Variants in TMEM45A observed in about 807,000 individuals in gnomAD.
TMEM45A encodes the protein DNA polymerase-transactivated protein 4.
TMEM45A carries 25 observed loss-of-function variants against 32.0 expected under a neutral mutation model. The observed-to-expected ratio is 0.78, with a 90% CI of 0.57 to 1.09. TMEM45A has a LOEUF of 1.09. Among genes scored for constraint, TMEM45A ranks in the 50% least tolerant of loss-of-function variants. The probability of loss-of-function intolerance (pLI) is 0.00; values close to 1 mark genes in which losing one functional copy is unlikely to be tolerated. For synonymous variants in TMEM45A, 122 were observed against 114.8 expected (o/e 1.06, Z -0.40); for missense variants, 302 against 325.0 (o/e 0.93, Z 0.54).
At chr3:100,539,490 T>TGTATATGTATAG (rs1553682653) in intron 1 of TMEM45A, among the ~76,000 whole-genome samples, 1 of 72,406 alleles carries the variant, frequency 1.4e-5, no homozygotes, top group Non-Finnish European at 2.8e-5. Flanking sequence ...TATATGTATA[T>TGTATATGTATAG]GTATACGTAT....
Position 100,576,202 on chromosome 3 carries a change from G to A in TMEM45A, c.735-723G>A, listed in dbSNP as rs556873638. On this transcript the variant is annotated intron_variant, in intron 5 of 5. Transcript: ENST00000323523. Reference sequence around the variant, plus strand: ...ACAGTGGCTCACGCCTGTAATCCCAGCACTTTGGGAGGCCGAGGCAGGTGG... The same window carrying A: ...ACAGTGGCTCACGCCTGTAATCCCAACACTTTGGGAGGCCGAGGCAGGTGG... 1.1e-3 allele frequency among the ~76,000 whole-genome samples: 167 copies of A among 152,270 alleles called. 1 individual carries two copies. The highest frequency in any genetic ancestry group is 3.8e-3 in the African/African-American group (159 of 41,558).
At chr3:100,494,199 T>G (rs1218507419) in intron 1 of TMEM45A, among the ~76,000 whole-genome samples, 1 of 152,234 alleles carries the variant, frequency 6.6e-6, no homozygotes, top group Non-Finnish European at 1.5e-5. Context: ...ACATGTATAA[T>G]CCCCTCTGTT....
intron 1 of TMEM45A, among the ~76,000 whole-genome samples, chr3:100,547,597 G>T (rs573148609): frequency 6.6e-6 from 1 of 152,066 alleles, no homozygotes; most frequent in African/African-American, 2.4e-5. Flanking sequence ...AGGAGGAAAA[G>T]GAGGGGTTGA....
intron 5 of TMEM45A, chr3:100,572,186 C>T (rs1706576089): frequency 6.6e-6 from 1 of 152,300 alleles, no homozygotes; most frequent in South Asian, 2.1e-4. Flanking sequence ...CTGACTTCCA[C>T]AATGGTTGAA....
intron 1 of TMEM45A, among the ~76,000 whole-genome samples, chr3:100,523,800 T>TCTC (rs879882124): frequency 1.6e-5 from 2 of 123,368 alleles, no homozygotes; most frequent in Non-Finnish European, 3.2e-5. Context: ...TTCTTCTCCT[T>TCTC]CTCCTCCTCC....
chr3:100,521,632 C>T (rs984432157), intron 1 of TMEM45A, among the ~76,000 whole-genome samples: 1 of 152,206 alleles, frequency 6.6e-6, no homozygotes, highest in Non-Finnish European at 1.5e-5. Flanking sequence ...AGCTGCAGCA[C>T]GTACGCACAC....
At chr3:100,523,479 A>G (rs1340905387) in intron 1 of TMEM45A, among the ~76,000 whole-genome samples, 1 of 152,250 alleles carries the variant, frequency 6.6e-6, no homozygotes, top group Non-Finnish European at 1.5e-5. Flanking sequence ...CTCACAGTGC[A>G]GTGAGGGAGA....
chr3:100,551,100 G>A (rs892761381), intron 1 of TMEM45A, among the ~76,000 whole-genome samples: 16 of 143,422 alleles, frequency 1.1e-4, no homozygotes, highest in African/African-American at 3.7e-4. Flanking sequence ...TGCAAGCTCC[G>A]CCTCCCGGGT....
chr3:100,558,686 C>A, intron 4 of TMEM45A, 97 bp downstream of exon 4: 2 of 1,218,668 alleles, frequency 1.6e-6, no homozygotes, highest in Non-Finnish European at 2.3e-6. Context: ...TTCCCTCCAA[C>A]ATACTGCCTG....
chr3:100,534,716 G>T (rs1705709083), intron 1 of TMEM45A, among the ~76,000 whole-genome samples: 1 of 152,324 alleles, frequency 6.6e-6, no homozygotes, highest in South Asian at 2.1e-4. Flanking sequence ...TAAACCAGGG[G>T]TATTTGGTGC....
intron 1 of TMEM45A, among the ~76,000 whole-genome samples, chr3:100,496,962 T>C (rs1345333226): frequency 6.6e-6 from 1 of 152,218 alleles, no homozygotes. Context: ...GGACATGCTG[T>C]GGTTTTGGGC....
intron 1 of TMEM45A, among the ~76,000 whole-genome samples, chr3:100,514,379 G>C (rs890221647): frequency 3.9e-5 from 6 of 152,132 alleles, no homozygotes; most frequent in African/African-American, 1.4e-4. Flanking sequence ...ATGGGGAAAG[G>C]ATTCCCTATT....
chr3:100,503,033 TCC>T (rs1708027950), intron 1 of TMEM45A, among the ~76,000 whole-genome samples: 1 of 151,486 alleles, frequency 6.6e-6, no homozygotes, highest in South Asian at 2.1e-4. Flanking sequence ...CTCCTCCTCC[TCC>T]TTCTTCTTCT....
intron 1 of TMEM45A, among the ~76,000 whole-genome samples, chr3:100,495,160 A>G (rs2148921080): frequency 6.6e-6 from 1 of 152,332 alleles, no homozygotes. Flanking sequence ...GTATGAGGCT[A>G]TAAGGAGAGA....
intron 1 of TMEM45A, among the ~76,000 whole-genome samples, chr3:100,506,805 A>G (rs1375411608): frequency 6.6e-6 from 1 of 152,162 alleles, no homozygotes; most frequent in Admixed American, 6.5e-5. Context: ...AGGTCAATGT[A>G]TGACTCAGAT....
chr3:100,547,328 G>C (rs961599531), intron 1 of TMEM45A, among the ~76,000 whole-genome samples: 1 of 151,926 alleles, frequency 6.6e-6, no homozygotes, highest in East Asian at 1.9e-4. Context: ...CAACATGTTG[G>C]TCAGGCTGGT....
intron 1 of TMEM45A, chr3:100,519,236 T>C (rs1455090428): frequency 6.0e-6 from 2 of 331,200 alleles, no homozygotes; most frequent in Admixed American, 8.4e-5. Context: ...TTAAGCAGTA[T>C]CTCCCAGCAT....
chr3:100,533,067 C>T (rs1705674788), intron 1 of TMEM45A, among the ~76,000 whole-genome samples: 1 of 152,034 alleles, frequency 6.6e-6, no homozygotes, highest in South Asian at 2.1e-4. Flanking sequence ...TTAATGGGTG[C>T]ATGTAAAATG....
intron 1 of TMEM45A, among the ~76,000 whole-genome samples, chr3:100,497,391 T>C (rs1707944353): frequency 6.6e-6 from 1 of 152,256 alleles, no homozygotes; most frequent in African/African-American, 2.4e-5. Flanking sequence ...TCCTTTTTTA[T>C]TGTGGTAAAA....
Sources: allele counts gnomAD v4.1 joint callset (sites outside exome capture counted in the v4.1 genomes callset), GRCh38; gene constraint gnomAD v4.1.1; transcripts MANE v1.5; gene names NCBI Gene and HGNC (gene_info 2026-07-23, HGNC 2026-07-21).